Variants in OR52E8 observed in about 807,000 individuals in gnomAD.
The protein encoded by OR52E8 is olfactory receptor 52E8.
For missense variants in OR52E8, 451 were observed against 383.9 expected (o/e 1.17, Z -1.46); for synonymous variants, 167 against 141.1 (o/e 1.18, Z -1.30).
rs1434934949 is a variant in OR52E8, at chr11:5,856,760, T to C, written c.931A>G (p.Thr311Ala). The change falls in exon 1 of 1, where the codon ACC becomes GCC. Residue 311 changes from threonine to alanine, a missense_variant. Coordinates refer to ENST00000537935, the MANE Select transcript of OR52E8 (RefSeq NM_001005168.3). ...CAACCTCCAACTGGTTAGTGATTGG[T>C]CTTGAGAAAAATCCTCAGCACTCTC... ...RERVLRIFLK[T>A]NH 6.5e-7 allele frequency: 1 copy of C among 1,541,452 alleles called. No individual in the cohort carries two copies. Among genetic ancestry groups the C allele is most frequent in the Admixed American group, 2.0e-5 (1 of 51,100 alleles).
rs753420246 is a variant in OR52E8, at chr11:5,856,817, T to A, written c.874A>T (p.Ile292Phe). 1.9e-6 allele frequency: 3 copies of A among 1,605,256 alleles called. 1 individual carries two copies. The highest frequency in any genetic ancestry group is 2.9e-5 in the African/African-American group (2 of 69,560). ...ATCTGCTTTGTCCTGACTCCATAGA[T>A]TACAGGATTGAGGGCTGGTGGGACA... The part of the protein sequence containing the change: ...VVVPPALNPV[I>F]YGVRTKQIRE... The change falls in exon 1 of 1, where the codon ATC becomes TTC. Residue 292 changes from isoleucine (I) to phenylalanine (F), a missense_variant. By Grantham distance (21) the Ile-to-Phe change is conservative (BLOSUM62 0). Coordinates refer to ENST00000537935, the MANE Select transcript of OR52E8 (RefSeq NM_001005168.3).
chr11:5,857,379 G>C lies in OR52E8; in HGVS notation c.312C>G (p.Phe104Leu), dbSNP rs148345924. The C allele has an allele frequency of 3.9e-3, 6,349 of 1,610,242 alleles. 61 individuals are homozygous for C. The highest frequency in any genetic ancestry group is 0.012 in the Middle Eastern group (75 of 6,058). ...CCATAGCAGTGAAGAAATGGATGAA[G>C]AACATGTGAGAAAGGCAGCCTCCAA... ...ISFGGCLSHM[F>L]FIHFFTAMES... is the part of the protein sequence containing the mutation. Residue 104 changes from phenylalanine to leucine, a missense_variant, in exon 1 of 1, where the codon TTC (phenylalanine) becomes TTG (leucine). By Grantham distance (22) the Phe-to-Leu change is conservative (BLOSUM62 0). Transcript: ENST00000537935.
chr11:5,857,674 T>C lies in OR52E8; in HGVS notation c.17A>G (p.His6Arg). Residue 6 changes from histidine (H) to arginine (R), a missense_variant, in exon 1 of 1, where the codon CAC becomes CGC. Transcript: ENST00000537935. MSTSN[H>R]TQFHPSSFLL... The stretch of plus-strand genomic sequence containing the variant: ...GAATGAAGAAGGATGGAACTGGGTG[T>C]GATTAGACGTAGACATTCTTCCTGC... The C allele has an allele frequency of 1.2e-6, 2 of 1,608,360 alleles. No individual in the cohort carries two copies. The highest frequency in any genetic ancestry group is 1.7e-6 in the Non-Finnish European group (2 of 1,179,286).
In OR52E8 at chr11:5,856,783, C is replaced by A; in HGVS notation, c.908G>T (p.Arg303Ile). The change falls in exon 1 of 1, where the codon AGA (arginine) becomes ATA (isoleucine). Residue 303 changes from arginine (R) to isoleucine (I), a missense_variant. By Grantham distance (97) the Arg-to-Ile change is moderately conservative. Transcript: ENST00000537935. ...GGTCTTGAGAAAAATCCTCAGCACT[C>A]TCTCTCGAATCTGCTTTGTCCTGAC... ...YGVRTKQIRE[R>I]VLRIFLKTNH 6.3e-7 allele frequency: 1 copy of A among 1,574,876 alleles called. No homozygotes were observed. Among genetic ancestry groups the A allele is most frequent in the South Asian group, 1.2e-5 (1 of 84,354 alleles).
rs903850304 is a variant in OR52E8, at chr11:5,857,664, G to C, written c.27C>G (p.Phe9Leu). The change falls in exon 1 of 1, where the codon TTC becomes TTG. Residue 9 changes from phenylalanine to leucine, a missense_variant. Coordinates refer to ENST00000537935, the MANE Select transcript of OR52E8 (RefSeq NM_001005168.3). ...CCAGCAGTAGGAATGAAGAAGGATGGAACTGGGTGTGATTAGACGTAGACA... is the reference window on the plus strand; with the variant it reads ...CCAGCAGTAGGAATGAAGAAGGATGCAACTGGGTGTGATTAGACGTAGACA... The part of the protein sequence containing the change: MSTSNHTQ[F>L]HPSSFLLLGI... 2 of 1,609,424 alleles carry C rather than the reference G, an allele frequency of 1.2e-6. No individual in the cohort carries two copies. Among genetic ancestry groups the C allele is most frequent in the South Asian group, 1.1e-5 (1 of 91,022 alleles).
Position 5,857,288 on chromosome 11 carries a change from T to C in OR52E8, c.403A>G (p.Thr135Ala), listed in dbSNP as rs547108567. ...YIAICKPLRY[T>A]MILTSKIISL... ...ATGATTTTGCTGGTGAGGATCATGG[T>C]GTACCGAAGAGGTTTGCAAATGGCA... Residue 135 changes from threonine (T) to alanine (A), a missense_variant, in exon 1 of 1, where the codon ACC becomes GCC. Thr to Ala is a moderately conservative substitution (Grantham distance 58). Transcript: ENST00000537935. The C allele has an allele frequency of 7.7e-4, 1,232 of 1,610,272 alleles. 20 individuals are homozygous for C. In the South Asian group the frequency reaches 0.013, roughly 17 times the overall value.
Position 5,856,789 on chromosome 11 carries a change from C to G in OR52E8, c.902G>C (p.Arg301Pro), listed in dbSNP as rs1292815213. Residue 301 changes from arginine to proline, a missense_variant, in exon 1 of 1, where the codon CGA becomes CCA. Arg to Pro is a moderately radical substitution (Grantham distance 103). Coordinates refer to ENST00000537935, the MANE Select transcript of OR52E8 (RefSeq NM_001005168.3). ...VIYGVRTKQI[R>P]ERVLRIFLKT... The stretch of plus-strand genomic sequence containing the variant: ...GAGAAAAATCCTCAGCACTCTCTCT[C>G]GAATCTGCTTTGTCCTGACTCCATA... 12 of 1,578,270 alleles carry G rather than the reference C, an allele frequency of 7.6e-6. No individual in the cohort carries two copies. Among genetic ancestry groups the G allele is most frequent in the Admixed American group, 3.7e-5 (2 of 54,206 alleles).
chr11:5,857,257 A>C lies in OR52E8; in HGVS notation c.434T>G (p.Leu145Arg). The C allele has an allele frequency of 6.2e-7, 1 of 1,610,178 alleles. No individual in the cohort carries two copies. Among genetic ancestry groups the C allele is most frequent in the Non-Finnish European group, 8.5e-7 (1 of 1,179,916 alleles). Reference sequence around the variant, plus strand: ...CCTCAGGACAGCAATGCCTGCAATGAGGCTGATGATTTTGCTGGTGAGGAT... The same window carrying C: ...CCTCAGGACAGCAATGCCTGCAATGCGGCTGATGATTTTGCTGGTGAGGAT... ...TMILTSKIIS[L>R]IAGIAVLRSL... The change falls in exon 1 of 1, where the codon CTC becomes CGC. Residue 145 changes from leucine to arginine, a missense_variant. Leu to Arg is a moderately radical substitution (Grantham distance 102). Coordinates refer to ENST00000537935, the MANE Select transcript of OR52E8 (RefSeq NM_001005168.3).
Position 5,856,990 on chromosome 11 carries a change from G to A in OR52E8, c.701C>T (p.Ala234Val). 1 of 1,606,326 alleles carries A rather than the reference G, an allele frequency of 6.2e-7. No homozygotes were observed. Among genetic ancestry groups the A allele is most frequent in the South Asian group, 1.1e-5 (1 of 90,816 alleles). ...ACAGGTGTTGAGAGCTTTGAGTCGAGCTTCCCAGGAGGGCAGGCAGAAGAC... is the reference window on the plus strand; with the variant it reads ...ACAGGTGTTGAGAGCTTTGAGTCGAACTTCCCAGGAGGGCAGGCAGAAGAC... ...YAVFCLPSWE[A>V]RLKALNTCGS... The change falls in exon 1 of 1, where the codon GCT (alanine) becomes GTT (valine). Residue 234 changes from alanine (A) to valine (V), a missense_variant. Coordinates refer to ENST00000537935, the MANE Select transcript of OR52E8 (RefSeq NM_001005168.3).
rs755795212 is a variant in OR52E8 at position 5,857,451 on chromosome 11, G to C, written c.240C>G (p.Ile80Met). 6.2e-7 allele frequency: 1 copy of C among 1,610,104 alleles called. No homozygotes were observed. Residue 80 changes from isoleucine to methionine, a missense_variant, in exon 1 of 1, where the codon ATC (isoleucine) becomes ATG (methionine). Coordinates refer to ENST00000537935, the MANE Select transcript of OR52E8 (RefSeq NM_001005168.3). ...SIDLGLSTAT[I>M]PKMLGIFWFN... is the part of the protein sequence containing the mutation. ...ACCAGAAGATGCCCAACATTTTGGG[G>C]ATGGTGGCTGTAGACAAGCCCAGGT... is the stretch of plus-strand genomic sequence containing the variant.
chr11:5,856,954 A>C lies in OR52E8; in HGVS notation c.737T>G (p.Ile246Ser). The C allele has an allele frequency of 1.2e-6, 2 of 1,605,908 alleles. No homozygotes were observed. Among genetic ancestry groups the C allele is most frequent in the Non-Finnish European group, 1.7e-6 (2 of 1,178,812 alleles). Residue 246 changes from isoleucine (I) to serine (S), a missense_variant, in exon 1 of 1, where the codon ATT (isoleucine) becomes AGT (serine). Ile to Ser is a moderately radical substitution (Grantham distance 142). Transcript: ENST00000537935. ...LKALNTCGSHIGVILAFFTPA... is the reference protein window; with the variant it reads ...LKALNTCGSHSGVILAFFTPA... ...TGTAAAAAAGGCTAAGATAACACCA[A>C]TATGAGAACCACAGGTGTTGAGAGC... is the stretch of plus-strand genomic sequence containing the variant.
chr11:5,857,552 G>C lies in OR52E8; in HGVS notation c.139C>G (p.Leu47Val), dbSNP rs1456127828. The change falls in exon 1 of 1, where the codon CTC becomes GTC. Residue 47 changes from leucine (L) to valine (V), a missense_variant. By Grantham distance (32) the Leu-to-Val change is conservative. Coordinates refer to ENST00000537935, the MANE Select transcript of OR52E8 (RefSeq NM_001005168.3). The part of the protein sequence containing the change: ...YLVALLGNTA[L>V]LFVIQTEQSL... ...TGCTCAGTCTGGATCACAAACAAGA[G>C]AGCAGTGTTTCCCAGGAGTGCAACA... is the stretch of plus-strand genomic sequence containing the variant. 2 of 1,609,368 alleles carry C rather than the reference G, an allele frequency of 1.2e-6. No individual in the cohort carries two copies. Among genetic ancestry groups the C allele is most frequent in the African/African-American group, 1.4e-5 (1 of 70,900 alleles).
In OR52E8 at chr11:5,856,818, T is replaced by C. The variant is rs756941032; in HGVS notation, c.873A>G (p.Val291=). Residue 291 remains valine, a synonymous_variant, in exon 1 of 1, where the codon GTA becomes GTG. Transcript: ENST00000537935. ...TCTGCTTTGTCCTGACTCCATAGAT[T>C]ACAGGATTGAGGGCTGGTGGGACAA... The part of the protein sequence containing the change: ...YVVVPPALNP[V]IYGVRTKQIR... The C allele has an allele frequency of 1.2e-6, 2 of 1,605,618 alleles. No homozygotes were observed. Among genetic ancestry groups the C allele is most frequent in the Non-Finnish European group, 8.5e-7 (1 of 1,178,734 alleles).
At position 5,857,615 on chromosome 11, in the gene OR52E8, G is replaced by T; in HGVS notation, c.76C>A (p.His26Asn). Residue 26 changes from histidine to asparagine, a missense_variant, in exon 1 of 1, where the codon CAC (histidine) becomes AAC (asparagine). Coordinates refer to ENST00000537935, the MANE Select transcript of OR52E8 (RefSeq NM_001005168.3). ...AAAAAAGGGACTCCAATCCAAATGTGCACATCTTCTAGCCCTGGGATACCC... is the reference window on the plus strand; with the variant it reads ...AAAAAAGGGACTCCAATCCAAATGTTCACATCTTCTAGCCCTGGGATACCC... Reference protein sequence around the residue: ...LLGIPGLEDVHIWIGVPFFFV... With the variant: ...LLGIPGLEDVNIWIGVPFFFV... The T allele has an allele frequency of 1.2e-6, 2 of 1,609,432 alleles. No individual in the cohort carries two copies.
Position 5,857,518 on chromosome 11 carries a change from T to C in OR52E8, c.173A>G (p.His58Arg). The change falls in exon 1 of 1, where the codon CAT becomes CGT. Residue 58 changes from histidine (H) to arginine (R), a missense_variant. Transcript: ENST00000537935. ...LFVIQTEQSL[H>R]EPMYYFLAML... ...GGCCAGGAAGTAGTACATAGGCTCA[T>C]GGAGACTCTGCTCAGTCTGGATCAC... 2.5e-6 allele frequency: 4 copies of C among 1,609,696 alleles called. 1 individual carries two copies. Among genetic ancestry groups the C allele is most frequent in the African/African-American group, 2.8e-5 (2 of 71,140 alleles).
In OR52E8 at chr11:5,857,442, C is replaced by A. The variant is rs749825378; in HGVS notation, c.249G>T (p.Met83Ile). The change falls in exon 1 of 1, where the codon ATG (methionine) becomes ATT (isoleucine). Residue 83 changes from methionine to isoleucine, a missense_variant. Coordinates refer to ENST00000537935, the MANE Select transcript of OR52E8 (RefSeq NM_001005168.3). ...TGGTATTGAACCAGAAGATGCCCAA[C>A]ATTTTGGGGATGGTGGCTGTAGACA... ...LGLSTATIPK[M>I]LGIFWFNTKE... 46 of 1,610,042 alleles carry A rather than the reference C, an allele frequency of 2.9e-5. No individual in the cohort carries two copies. Among genetic ancestry groups the A allele is most frequent in the Non-Finnish European group, 3.8e-5 (45 of 1,179,866 alleles).
chr11:5,857,192 T>C lies in OR52E8; in HGVS notation c.499A>G (p.Arg167Gly). Reference protein sequence around the residue: ...MVVPLVFLLLRLPFCGHRIIP... With the variant: ...MVVPLVFLLLGLPFCGHRIIP... ...ATACGATGCCCACAGAAGGGCAGCC[T>C]CAGAAGGAGAAACACCAGTGGAACA... The change falls in exon 1 of 1, where the codon AGG (arginine) becomes GGG (glycine). Residue 167 changes from arginine to glycine, a missense_variant. Coordinates refer to ENST00000537935, the MANE Select transcript of OR52E8 (RefSeq NM_001005168.3). The C allele has an allele frequency of 6.2e-7, 1 of 1,609,844 alleles. No individual in the cohort carries two copies. Among genetic ancestry groups the C allele is most frequent in the Non-Finnish European group, 8.5e-7 (1 of 1,179,906 alleles).
Position 5,856,874 on chromosome 11 carries a change from T to C in OR52E8, c.817A>G (p.Ile273Val), listed in dbSNP as rs1483391910. 2 of 1,607,288 alleles carry C rather than the reference T, an allele frequency of 1.2e-6. No homozygotes were observed. Among genetic ancestry groups the C allele is most frequent in the Non-Finnish European group, 1.7e-6 (2 of 1,179,496 alleles). The change falls in exon 1 of 1, where the codon ATA becomes GTA. Residue 273 changes from isoleucine (I) to valine (V), a missense_variant. Transcript: ENST00000537935. ...HRFGHNIPQY[I>V]HIILANLYVV... ...TACAGGTTGGCTAATATAATATGTA[T>C]ATACTGTGGGATATTATGGCCAAAA...
Position 5,857,528 on chromosome 11 carries a change from GCTCAGTCTGGATCA to G in OR52E8, c.149_162del (p.Val50AlafsTer5), listed in dbSNP as rs1186532550. ...TAGTACATAGGCTCATGGAGACTCT[GCTCAGTCTGGATCA>G]CAAACAAGAGAGCAGTGTTTCCCAG... is the stretch of plus-strand genomic sequence containing the variant. On this transcript the variant is annotated frameshift_variant, in exon 1 of 1. Coordinates refer to ENST00000537935, the MANE Select transcript of OR52E8 (RefSeq NM_001005168.3). LOFTEE classifies it low-confidence loss of function (END_TRUNC). The G allele has an allele frequency of 2.5e-6, 4 of 1,609,614 alleles. No individual in the cohort carries two copies. The highest frequency in any genetic ancestry group is 3.4e-6 in the Non-Finnish European group (4 of 1,179,812).
Sources: allele counts gnomAD v4.1 joint callset, GRCh38; gene constraint gnomAD v4.1.1; transcripts MANE v1.5; gene names NCBI Gene and HGNC (gene_info 2026-07-23, HGNC 2026-07-21).